OR2T33: variants seen among roughly 807,000 people sequenced by gnomAD.
OR2T33 encodes olfactory receptor 2T33.
In OR2T33, 10 loss-of-function variants were observed where a neutral mutation model predicts 14.0. The observed-to-expected ratio is 0.72, with a 90% confidence interval of 0.44 to 1.22. The LOEUF (loss-of-function observed/expected upper bound fraction) is 1.22, where lower values mean the gene tolerates loss of function less well. Among genes scored for constraint, OR2T33 ranks in the 50% most tolerant of loss-of-function variants. The pLI, the probability that OR2T33 is intolerant of heterozygous loss-of-function variation, is 0.00. For missense variants in OR2T33, 276 were observed against 405.9 expected (o/e 0.68, Z 2.75); for synonymous variants, 103 against 159.4 (o/e 0.65, Z 2.66).
rs780290204 is a variant in OR2T33 at position 248,273,377 on chromosome 1, A to G, written c.438T>C (p.Cys146=). The G allele has an allele frequency of 9.3e-5, 149 of 1,610,532 alleles. 1 individual carries two copies. Among genetic ancestry groups the G allele is most frequent in the East Asian group, 4.7e-4 (21 of 44,828 alleles). ...GCCCGTCAGCTGCACCCAGGAGCCA[A>G]CACGACATGGTCATCCTCAGGCACA... ...WQLCLRMTMS[C]WLLGAADGLL... The change falls in exon 2 of 2, where the codon TGT becomes TGC. Residue 146 remains cysteine, a synonymous_variant. Transcript: ENST00000641220.
rs1489960984 is a variant in OR2T33, at chr1:248,270,655, T to A, written c.*2197A>T. On this transcript the variant is annotated 3_prime_UTR_variant, in exon 2 of 2. Coordinates refer to ENST00000641220, the MANE Select transcript of OR2T33 (RefSeq NM_001004695.2). ...ACATTGCGAATGTAGTAAATGCCAC[T>A]GAGTTGTTCACATTAAAATGCTAAT... 6.6e-6 allele frequency: 1 copy of A among 152,118 alleles called. No individual in the cohort carries two copies. The highest frequency in any genetic ancestry group is 1.5e-5 in the Non-Finnish European group (1 of 68,028). The allele number at this position is 152,118 out of a possible 1,614,324, so 9.4% of individuals were successfully genotyped here.
rs763739158 is a variant in OR2T33 at position 248,272,632 on chromosome 1, T to C, written c.*220A>G. ...CAGTACTTATATCATGGGGTTGTTG[T>C]AGGATACAAAGTAATCCATAGATAC... is the stretch of plus-strand genomic sequence containing the variant. On this transcript the variant is annotated 3_prime_UTR_variant, in exon 2 of 2. Transcript: ENST00000641220. The C allele has an allele frequency of 1.4e-5, 8 of 569,762 alleles. No homozygotes were observed. Among genetic ancestry groups the C allele is most frequent in the Non-Finnish European group, 2.1e-5 (7 of 336,186 alleles). 35.3% of individuals were successfully genotyped at this position (569,762 alleles called of 1,614,324 possible).
rs138653777 is a variant in OR2T33, at chr1:248,273,718, C to G, written c.97G>C (p.Val33Leu). 1.9e-6 allele frequency: 3 copies of G among 1,613,746 alleles called. No homozygotes were observed. In the Admixed American group the frequency reaches 5.0e-5, roughly 27 times the overall value. ...GAATTGCCAAACAGGGAGGTCAAAA[C>G]GATACTCAGAACCATCATGAAGAGG... The part of the protein sequence containing the change: ...QVLFMMVLSI[V>L]LTSLFGNSLM... Residue 33 changes from valine to leucine, a missense_variant, in exon 2 of 2, where the codon GTT becomes CTT. Val to Leu is a conservative substitution (Grantham distance 32). Transcript: ENST00000641220.
At position 248,277,940 on chromosome 1, in the gene OR2T33, A is replaced by G. The variant is rs999326182; in HGVS notation, c.-184T>C. On this transcript the variant is annotated 5_prime_UTR_variant, in exon 1 of 2. Coordinates refer to ENST00000641220, the MANE Select transcript of OR2T33 (RefSeq NM_001004695.2). The stretch of plus-strand genomic sequence containing the variant: ...GTCACTGAAAGTTTCCAACAACCAA[A>G]TATCTTCCCTGGAGCTATGCCACTT... 1.3e-5 allele frequency: 2 copies of G among 152,134 alleles called. No individual in the cohort carries two copies. Among genetic ancestry groups the G allele is most frequent in the African/African-American group, 2.4e-5 (1 of 41,450 alleles). 9.4% of individuals were successfully genotyped at this position (152,134 alleles called of 1,614,324 possible). A position where few individuals can be genotyped will look rare whatever the true frequency, so the allele number is the denominator to read the frequency against.
At chr1:248,274,379 A>C (rs1659425471) in intron 1 of OR2T33, among the ~76,000 whole-genome samples, 1 of 152,210 alleles carries the variant, frequency 6.6e-6, no homozygotes, top group African/African-American at 2.4e-5. Context: ...AAGAACAATA[A>C]TATCTCACAC....
At position 248,273,698 on chromosome 1, in the gene OR2T33, G is replaced by A. The variant is rs1478397723; in HGVS notation, c.117C>T (p.Gly39=). ...VLSIVLTSLF[G]NSLMILLIHW... ...GAATCAGGAGAATCATGAGGGAATTGCCAAACAGGGAGGTCAAAACGATAC... is the reference window on the plus strand; with the variant it reads ...GAATCAGGAGAATCATGAGGGAATTACCAAACAGGGAGGTCAAAACGATAC... Residue 39 remains glycine, a synonymous_variant, in exon 2 of 2, where the codon GGC becomes GGT. Coordinates refer to ENST00000641220, the MANE Select transcript of OR2T33 (RefSeq NM_001004695.2). 1.2e-6 allele frequency: 2 copies of A among 1,613,738 alleles called. No homozygotes were observed. The highest frequency in any genetic ancestry group is 1.7e-5 in the Admixed American group (1 of 59,974).
chr1:248,273,870 T>A, intron 1 of OR2T33, 48 bp from the exon 2 acceptor site: 2 of 1,567,844 alleles, frequency 1.3e-6, no homozygotes, highest in Non-Finnish European at 1.7e-6. Context: ...GAGGCTTTTA[T>A]GGTCTGAATA....
Position 248,270,636 on chromosome 1 carries a change from C to A in OR2T33, c.*2216G>T, listed in dbSNP as rs1013617210. On this transcript the variant is annotated 3_prime_UTR_variant, in exon 2 of 2. Coordinates refer to ENST00000641220, the MANE Select transcript of OR2T33 (RefSeq NM_001004695.2). ...TAGTGATGATGGTCGTACAACATTGCGAATGTAGTAAATGCCACTGAGTTG... is the reference window on the plus strand; with the variant it reads ...TAGTGATGATGGTCGTACAACATTGAGAATGTAGTAAATGCCACTGAGTTG... The A allele has an allele frequency of 2.0e-5, 3 of 151,892 alleles. No individual in the cohort carries two copies. The highest frequency in any genetic ancestry group is 4.4e-5 in the Non-Finnish European group (3 of 68,002). 9.4% of individuals were successfully genotyped at this position (151,892 alleles called of 1,614,324 possible).
At position 248,273,795 on chromosome 1, in the gene OR2T33, G is replaced by A. The variant is rs1659417071; in HGVS notation, c.20C>T (p.Thr7Ile). The change falls in exon 2 of 2, where the codon ACC becomes ATC. Residue 7 changes from threonine to isoleucine, a missense_variant. Transcript: ENST00000641220. MEMRNTTPDFILLGLFN... is the reference protein window; with the variant it reads MEMRNTIPDFILLGLFN... ...GAGTCCTAGGAGAATAAAATCTGGG[G>A]TAGTATTTCTCATCTCCATAATTTC... The A allele has an allele frequency of 6.2e-7, 1 of 1,610,942 alleles. No homozygotes were observed. Among genetic ancestry groups the A allele is most frequent in the East Asian group, 2.2e-5 (1 of 44,816 alleles).
rs1051574122 is a variant in OR2T33 at position 248,272,672 on chromosome 1, A to G, written c.*180T>C. On this transcript the variant is annotated 3_prime_UTR_variant, in exon 2 of 2. Transcript: ENST00000641220. Reference sequence around the variant, plus strand: ...TCCATAGATACTACTTCACTTGAAGAAAAGTACATAAATGCTAAAAATGGT... The same window carrying G: ...TCCATAGATACTACTTCACTTGAAGGAAAGTACATAAATGCTAAAAATGGT... 1.0e-5 allele frequency: 8 copies of G among 799,450 alleles called. No homozygotes were observed. In the Admixed American group the frequency reaches 2.4e-4, roughly 24 times the overall value. 49.5% of individuals were successfully genotyped at this position (799,450 alleles called of 1,614,324 possible).
Position 248,272,382 on chromosome 1 carries a change from A to C in OR2T33, c.*470T>G, listed in dbSNP as rs1659383321. On this transcript the variant is annotated 3_prime_UTR_variant, in exon 2 of 2. Coordinates refer to ENST00000641220, the MANE Select transcript of OR2T33 (RefSeq NM_001004695.2). ...CTATATTTTAAAATATAACATAAAA[A>C]TAATATTTTTCTTTGGTGGAGTCCT... The C allele has an allele frequency of 6.5e-6, 1 of 153,420 alleles. No homozygotes were observed. The allele number at this position is 153,420 out of a possible 1,614,324, so 9.5% of individuals were successfully genotyped here.
rs374007520 is a variant in OR2T33 at position 248,273,856 on chromosome 1, G to C, written c.-8-34C>G. 1.5e-5 allele frequency: 23 copies of C among 1,570,860 alleles called. No individual in the cohort carries two copies. The African/African-American group carries it at 3.0e-4, about 21-fold the overall frequency. On this transcript the variant is annotated intron_variant, in intron 1 of 1. Transcript: ENST00000641220. Reference sequence around the variant, plus strand: ...ATGGTGCAAATGGAAAAATAGAGAAGGAAGAGGCTTTTATGGTCTGAATAA... The same window carrying C: ...ATGGTGCAAATGGAAAAATAGAGAACGAAGAGGCTTTTATGGTCTGAATAA...
At chr1:248,274,266 G>A (rs4586010) in intron 1 of OR2T33, among the ~76,000 whole-genome samples, 117,044 of 152,116 alleles carry the variant, frequency 0.77, 45,274 homozygotes, top group South Asian at 0.88. Context: ...ATTCAAGATA[G>A]GTCTTTTAAA....
rs543049926 is a variant in OR2T33, at chr1:248,272,790, A to G, written c.*62T>C. 1 of 1,527,604 alleles carries G rather than the reference A, an allele frequency of 6.5e-7. No individual in the cohort carries two copies. Among genetic ancestry groups the G allele is most frequent in the Non-Finnish European group, 8.8e-7 (1 of 1,140,514 alleles). 94.6% of individuals were successfully genotyped at this position (1,527,604 alleles called of 1,614,324 possible). A position where few individuals can be genotyped will look rare whatever the true frequency, so the allele number is the denominator to read the frequency against. ...TTTCTCTGCATGAATTGCTAAAGGG[A>G]GAGAATAACAATGTGTTAAAATATT... On this transcript the variant is annotated 3_prime_UTR_variant, in exon 2 of 2. Coordinates refer to ENST00000641220, the MANE Select transcript of OR2T33 (RefSeq NM_001004695.2).
At chr1:248,276,763 T>C (rs1330505170) in intron 1 of OR2T33, among the ~76,000 whole-genome samples, 2 of 152,208 alleles carry the variant, frequency 1.3e-5, no homozygotes, top group Non-Finnish European at 2.9e-5. Context: ...CAGCACATTG[T>C]ATCAGTCAGA....
chr1:248,273,904 G>A (rs1659419949), intron 1 of OR2T33, 82 bp from the exon 2 acceptor site: 1 of 1,529,062 alleles, frequency 6.5e-7, no homozygotes, highest in Middle Eastern at 2.4e-4. Flanking sequence ...ACAGTTTCCG[G>A]ACATACGTAC....
intron 1 of OR2T33, 111 bp from the exon 2 acceptor site, chr1:248,273,933 T>A: frequency 7.3e-7 from 1 of 1,377,872 alleles, no homozygotes. Flanking sequence ...TTATCCCAGG[T>A]AGTGATTCAA....
rs1659393538 is a variant in OR2T33, at chr1:248,272,973, G to A, written c.842C>T (p.Pro281Leu). Residue 281 changes from proline (P) to leucine (L), a missense_variant, in exon 2 of 2, where the codon CCT becomes CTT. Pro to Leu is a moderately conservative substitution (Grantham distance 98). Transcript: ENST00000641220. ...VVSAFYTMFT[P>L]LLNPLIYSVK... Reference sequence around the variant, plus strand: ...ACTGTAGATGAGGGGGTTTAGTAAAGGGGTGAACATAGTATAGAAGGCTGA... The same window carrying A: ...ACTGTAGATGAGGGGGTTTAGTAAAAGGGTGAACATAGTATAGAAGGCTGA... 6.2e-7 allele frequency: 1 copy of A among 1,614,144 alleles called. No individual in the cohort carries two copies. Among genetic ancestry groups the A allele is most frequent in the South Asian group, 1.1e-5 (1 of 91,080 alleles).
chr1:248,273,575 C>T lies in OR2T33; in HGVS notation c.240G>A (p.Ala80=), dbSNP rs755875428. The change falls in exon 2 of 2, where the codon GCG becomes GCA. Residue 80 remains alanine, a synonymous_variant. Coordinates refer to ENST00000641220, the MANE Select transcript of OR2T33 (RefSeq NM_001004695.2). ...CCTTACTTCCGGTCAAGTAGTCAGC[C>T]GCCATTTTGGGCACAGTGGTGGAAA... ...MLVSTTVPKM[A]ADYLTGSKAI... The T allele has an allele frequency of 9.9e-6, 16 of 1,613,228 alleles. No homozygotes were observed. Among genetic ancestry groups the T allele is most frequent in the East Asian group, 8.9e-5 (4 of 44,856 alleles).
Sources: allele counts gnomAD v4.1 joint callset (sites outside exome capture counted in the v4.1 genomes callset), GRCh38; gene constraint gnomAD v4.1.1; transcripts MANE v1.5; gene names NCBI Gene and HGNC (gene_info 2026-07-23, HGNC 2026-07-21).